PPP2R3A: variants seen among roughly 807,000 people sequenced by gnomAD.
The protein encoded by PPP2R3A is serine/threonine-protein phosphatase 2A regulatory subunit B'' subunit alpha.
PPP2R3A carries 80 observed loss-of-function variants against 106.9 expected under a neutral mutation model. The observed-to-expected ratio is 0.75, with a 90% CI of 0.62 to 0.90. The LOEUF is 0.90. Among genes scored for constraint, PPP2R3A ranks in the 40% least tolerant of loss-of-function variants. The pLI, the probability that PPP2R3A is intolerant of heterozygous loss-of-function variation, is 0.00. For missense variants in PPP2R3A, 1,386 were observed against 1,350.4 expected, an observed-to-expected ratio of 1.03 and a Z score of -0.41; for synonymous variants, 483 against 468.3, an observed-to-expected ratio of 1.03 and a Z score of -0.41.
intron 2 of PPP2R3A, among the ~76,000 whole-genome samples, chr3:136,005,798 T>C (rs1197523587): frequency 6.6e-6 from 1 of 152,194 alleles, no homozygotes; most frequent in Non-Finnish European, 1.5e-5. Flanking sequence ...AAAGGTATTA[T>C]CTCACTATTT....
intron 5 of PPP2R3A, among the ~76,000 whole-genome samples, chr3:136,060,542 C>T (rs571789542): frequency 1.3e-5 from 2 of 152,150 alleles, no homozygotes; most frequent in Non-Finnish European, 2.9e-5. Flanking sequence ...GTAGCACCTC[C>T]CCCTTGTTCT....
intron 13 of PPP2R3A, among the ~76,000 whole-genome samples, chr3:136,128,229 A>G (rs1202923060): frequency 1.3e-5 from 2 of 152,162 alleles, no homozygotes; most frequent in Non-Finnish European, 2.9e-5. Flanking sequence ...AAATTGGATA[A>G]AGAGTCAAGA....
intron 13 of PPP2R3A, among the ~76,000 whole-genome samples, chr3:136,114,121 C>G (rs111885645): frequency 6.6e-6 from 1 of 152,046 alleles, no homozygotes; most frequent in African/African-American, 2.4e-5. Flanking sequence ...GAGGGTGACC[C>G]GAAGCAGGGT....
At chr3:136,090,763 C>T (rs529786064) in intron 10 of PPP2R3A, 96 bp downstream of exon 10, 4 of 876,274 alleles carry the variant, frequency 4.6e-6, no homozygotes, top group East Asian at 2.6e-5. Context: ...GCCAACTCAA[C>T]GTGGCAATAC....
At chr3:136,048,328 C>T (rs1559888262) in intron 4 of PPP2R3A, among the ~76,000 whole-genome samples, 3 of 152,136 alleles carry the variant, frequency 2.0e-5, no homozygotes, top group African/African-American at 7.2e-5. Flanking sequence ...GAGAAGGGGA[C>T]ATGAGCAGGT....
intron 5 of PPP2R3A, chr3:136,055,586 T>G (rs2107875223): frequency 7.1e-7 from 1 of 1,403,458 alleles, no homozygotes; most frequent in East Asian, 2.3e-5. Flanking sequence ...TTCTCTGCAG[T>G]ACTGTATCCA....
At chr3:135,979,381 A>T (rs1434470996) in intron 1 of PPP2R3A, among the ~76,000 whole-genome samples, 1 of 151,786 alleles carries the variant, frequency 6.6e-6, no homozygotes, top group Non-Finnish European at 1.5e-5. Context: ...TCAAAAAAAA[A>T]AAAAGATTTA....
chr3:136,101,061 A>G (rs1479690222), intron 10 of PPP2R3A, among the ~76,000 whole-genome samples: 1 of 152,190 alleles, frequency 6.6e-6, no homozygotes, highest in African/African-American at 2.4e-5. Flanking sequence ...ATTAGGAGAA[A>G]GGCGAAAGGA....
intron 13 of PPP2R3A, among the ~76,000 whole-genome samples, chr3:136,135,577 A>G (rs557165072): frequency 3.9e-4 from 60 of 152,324 alleles, no homozygotes; most frequent in African/African-American, 1.4e-3. Context: ...CTTAGGAGCC[A>G]GACAGATCTG....
At chr3:136,065,324 A>G (rs544764298) in intron 5 of PPP2R3A, among the ~76,000 whole-genome samples, 1 of 152,322 alleles carries the variant, frequency 6.6e-6, no homozygotes, top group Non-Finnish European at 1.5e-5. Context: ...GATAACCAGC[A>G]AAAGACCTAA....
chr3:136,034,965 A>G (rs983335999), intron 3 of PPP2R3A, among the ~76,000 whole-genome samples: 7 of 152,180 alleles, frequency 4.6e-5, no homozygotes, highest in African/African-American at 9.7e-5. Context: ...GCCTTTTATC[A>G]TTATGTAATG....
At chr3:136,064,060 A>C (rs1254869314) in intron 5 of PPP2R3A, among the ~76,000 whole-genome samples, 1 of 151,930 alleles carries the variant, frequency 6.6e-6, no homozygotes, top group Non-Finnish European at 1.5e-5. Flanking sequence ...AATGTGGCAC[A>C]TATACACCAT....
intron 13 of PPP2R3A, among the ~76,000 whole-genome samples, chr3:136,128,264 G>A (rs1368739151): frequency 6.6e-6 from 1 of 151,006 alleles, no homozygotes; most frequent in Non-Finnish European, 1.5e-5. Context: ...GTATTCAGGA[G>A]ACCCATCTCA....
chr3:135,972,808 TGTTGA>T (rs1559845635), intron 1 of PPP2R3A, among the ~76,000 whole-genome samples: 1 of 152,222 alleles, frequency 6.6e-6, no homozygotes, highest in Admixed American at 6.5e-5. Flanking sequence ...GTCTTTTGGT[TGTTGA>T]GTTTAAGAGT....
chr3:136,025,243 T>G (rs1418490902), intron 2 of PPP2R3A, among the ~76,000 whole-genome samples: 1 of 152,162 alleles, frequency 6.6e-6, no homozygotes, highest in African/African-American at 2.4e-5. Flanking sequence ...GTTTTATTAT[T>G]GAAATTCCAA....
chr3:136,035,415 G>A (rs749434381), intron 3 of PPP2R3A, among the ~76,000 whole-genome samples: 6 of 152,098 alleles, frequency 3.9e-5, no homozygotes, highest in Non-Finnish European at 7.4e-5. Flanking sequence ...TCTTGTAGTG[G>A]TGGCTTGGTA....
intron 2 of PPP2R3A, among the ~76,000 whole-genome samples, chr3:136,015,362 C>G (rs1222977088): frequency 6.6e-6 from 1 of 152,000 alleles, no homozygotes; most frequent in East Asian, 1.9e-4. Context: ...CCCTCTTTCT[C>G]TATATTTTGG....
At chr3:136,075,910 T>G (rs969314954) in intron 6 of PPP2R3A, among the ~76,000 whole-genome samples, 6 of 152,196 alleles carry the variant, frequency 3.9e-5, no homozygotes, top group Non-Finnish European at 7.3e-5. Flanking sequence ...GTACATAAAT[T>G]TTCTGTGCTA....
intron 5 of PPP2R3A, among the ~76,000 whole-genome samples, chr3:136,059,668 A>G (rs6766167): frequency 1.9e-4 from 29 of 152,230 alleles, no homozygotes; most frequent in Non-Finnish European, 2.5e-4. Flanking sequence ...TTATGAAGAG[A>G]CATGCCATGT....
Sources: gnomAD v4.1 joint callset for allele counts (sites outside exome capture counted in the v4.1 genomes callset) on GRCh38, gnomAD v4.1.1 for gene constraint, MANE v1.5 for transcripts, NCBI Gene and HGNC (gene_info 2026-07-23, HGNC 2026-07-21) for gene names.